CHRM5: variants seen among roughly 807,000 people sequenced by gnomAD.
The protein encoded by CHRM5 is muscarinic acetylcholine receptor M5.
CHRM5 carries 18 observed loss-of-function variants against 39.0 expected under a neutral mutation model. The ratio of observed to expected loss-of-function variants is 0.46; its 90% CI spans 0.32 to 0.68. The LOEUF is 0.68. Ranked by LOEUF, CHRM5 falls within the 30% of genes least tolerant of loss-of-function variation. The pLI is 0.04. For synonymous variants in CHRM5, 241 were observed against 246.3 expected (o/e 0.98, Z 0.20); for missense variants, 515 against 651.1 (o/e 0.79, Z 2.28).
At chr15:33,977,858 G>A (rs922392752) in intron 1 of CHRM5, among the ~76,000 whole-genome samples, 11 of 151,984 alleles carry the variant, frequency 7.2e-5, no homozygotes, top group Non-Finnish European at 1.5e-4. Flanking sequence ...GATTGCTTGA[G>A]CCCAGGAGGT....
At chr15:34,024,472 CAAAAAAAAAAA>C (rs10531898) in intron 1 of CHRM5, among the ~76,000 whole-genome samples, 15,376 of 102,240 alleles carry the variant, frequency 0.15, 1,065 homozygotes, top group East Asian at 0.39. Flanking sequence ...GACCCTGTCT[CAAAAAAAAAAA>C]AAAAAAAAAA....
chr15:34,044,453 T>C (rs557947897), intron 1 of CHRM5, among the ~76,000 whole-genome samples: 1 of 152,218 alleles, frequency 6.6e-6, no homozygotes, highest in Non-Finnish European at 1.5e-5. Flanking sequence ...TAAAGATATA[T>C]ATAATCCTTG....
intron 1 of CHRM5, among the ~76,000 whole-genome samples, chr15:34,020,294 G>A (rs3928443): frequency 0.072 from 10,736 of 148,702 alleles, 525 homozygotes; most frequent in South Asian, 0.22. Flanking sequence ...CTGGGTGACC[G>A]AGCGAGACTC....
Position 34,065,808 on chromosome 15 carries a change from A to C in CHRM5, c.*1492A>C, listed in dbSNP as rs1010035049. ...TACACAGCAAGGATTTTAAAGATGAAGCACTCCTGTCAGACATTATTTAAC... is the reference window on the plus strand; with the variant it reads ...TACACAGCAAGGATTTTAAAGATGACGCACTCCTGTCAGACATTATTTAAC... On this transcript the variant is annotated 3_prime_UTR_variant, in exon 3 of 3. Coordinates refer to ENST00000383263, the MANE Select transcript of CHRM5 (RefSeq NM_012125.4). 1 of 152,218 alleles carries C rather than the reference A, an allele frequency of 6.6e-6. No homozygotes were observed. Among genetic ancestry groups the C allele is most frequent in the Non-Finnish European group, 1.5e-5 (1 of 68,042 alleles). The allele number at this position is 152,218 out of a possible 1,614,324, so 9.4% of individuals were successfully genotyped here.
In CHRM5 at chr15:33,984,373, C is replaced by A. The variant is rs115188490; in HGVS notation, c.-408+15223C>A. On this transcript the variant is annotated intron_variant, in intron 1 of 2. Coordinates refer to ENST00000383263, the MANE Select transcript of CHRM5 (RefSeq NM_012125.4). ...ACAAGATATTCTGCAAACTCAGTCA[C>A]TTTCCTCACCTGTTAGAATAGATTG... Among the ~76,000 whole-genome samples, 1,252 of 151,396 alleles carry A rather than the reference C, an allele frequency of 8.3e-3. 31 individuals carry two copies. The highest frequency in any genetic ancestry group is 0.032 in the South Asian group (151 of 4,702).
At chr15:34,038,030 C>A (rs1899232720) in intron 1 of CHRM5, among the ~76,000 whole-genome samples, 1 of 152,200 alleles carries the variant, frequency 6.6e-6, no homozygotes, top group South Asian at 2.1e-4. Context: ...TATATATCAT[C>A]CCCTGCTCCA....
At position 34,065,178 on chromosome 15, in the gene CHRM5, T is replaced by C. The variant is rs1040114189; in HGVS notation, c.*862T>C. On this transcript the variant is annotated 3_prime_UTR_variant, in exon 3 of 3. Coordinates refer to ENST00000383263, the MANE Select transcript of CHRM5 (RefSeq NM_012125.4). ...TCTATTTTGTGCCCATTTGAACCCA[T>C]TTATTTATGCTCTGTTCTTAGGAAG... The C allele has an allele frequency of 1.3e-5, 2 of 154,324 alleles. No homozygotes were observed. The highest frequency in any genetic ancestry group is 6.5e-5 in the Admixed American group (1 of 15,284). The allele number at this position is 154,324 out of a possible 1,614,324, so 9.6% of individuals were successfully genotyped here.
chr15:34,039,000 C>T, intron 1 of CHRM5: 1 of 1,120,872 alleles, frequency 8.9e-7, no homozygotes, highest in Non-Finnish European at 1.1e-6. Flanking sequence ...CCGGCCGCGG[C>T]CTGGCCGCCG....
At chr15:34,057,281 C>A (rs1480120461) in intron 2 of CHRM5, among the ~76,000 whole-genome samples, 3 of 148,784 alleles carry the variant, frequency 2.0e-5, no homozygotes, top group Non-Finnish European at 4.4e-5. Context: ...AGAATATAGG[C>A]ACATGCCACC....
intron 1 of CHRM5, chr15:34,038,798 GC>G (rs1246205308): frequency 5.0e-6 from 6 of 1,191,108 alleles, no homozygotes; most frequent in Admixed American, 4.1e-5. Context: ...TGGCCCCTGC[GC>G]CCCAGCCTCC....
intron 1 of CHRM5, among the ~76,000 whole-genome samples, chr15:34,022,166 A>G (rs527448553): frequency 6.6e-6 from 1 of 152,324 alleles, no homozygotes; most frequent in African/African-American, 2.4e-5. Context: ...ACTGCTTTCT[A>G]TTGCTCCTCA....
rs1171212826 is a variant in CHRM5 at position 33,968,729 on chromosome 15, T to C, written c.-829T>C. On this transcript the variant is annotated 5_prime_UTR_variant, in exon 1 of 3. Coordinates refer to ENST00000383263, the MANE Select transcript of CHRM5 (RefSeq NM_012125.4). ...ATCCATGCTTCTAGTCCAGATAATG[T>C]TTTTTAAAGCAGCTTGATTTGGAAG... 1 of 152,120 alleles carries C rather than the reference T, an allele frequency of 6.6e-6. No individual in the cohort carries two copies. Among genetic ancestry groups the C allele is most frequent in the East Asian group, 1.9e-4 (1 of 5,202 alleles). The allele number at this position is 152,120 out of a possible 1,614,324, so 9.4% of individuals were successfully genotyped here. A position where few individuals can be genotyped will look rare whatever the true frequency, so the allele number is the denominator to read the frequency against.
chr15:33,999,117 A>G (rs1897046838), intron 1 of CHRM5, among the ~76,000 whole-genome samples: 2 of 152,182 alleles, frequency 1.3e-5, no homozygotes, highest in African/African-American at 4.8e-5. Flanking sequence ...TATGGATTAC[A>G]ACTTCCCTTG....
intron 1 of CHRM5, chr15:33,991,292 TGCAAAACAAGAATGAA>T (rs1896712366): frequency 1.3e-5 from 2 of 152,250 alleles, no homozygotes; most frequent in African/African-American, 4.8e-5. Context: ...AGGATTATTT[TGCAAAACAAGAATGAA>T]GCAAAACAAA....
intron 2 of CHRM5, among the ~76,000 whole-genome samples, chr15:34,055,362 G>C (rs985574671): frequency 6.6e-6 from 1 of 151,910 alleles, no homozygotes; most frequent in African/African-American, 2.4e-5. Context: ...ATAATTATCT[G>C]TGTGTGGTGG....
At chr15:33,982,435 G>A (rs1168218190) in intron 1 of CHRM5, among the ~76,000 whole-genome samples, 2 of 152,056 alleles carry the variant, frequency 1.3e-5, no homozygotes, top group African/African-American at 4.8e-5. Flanking sequence ...AAAATAAATG[G>A]AAGTATTTCT....
chr15:34,037,124 A>AT (rs1567481887), intron 1 of CHRM5, among the ~76,000 whole-genome samples: 2 of 150,600 alleles, frequency 1.3e-5, no homozygotes, highest in African/African-American at 4.9e-5. Flanking sequence ...AAAAAAAAAA[A>AT]ATATATACCA....
At chr15:34,036,412 A>G (rs1899127247) in intron 1 of CHRM5, among the ~76,000 whole-genome samples, 2 of 152,184 alleles carry the variant, frequency 1.3e-5, no homozygotes. Context: ...TGGTCTTTAC[A>G]TGGCTAGGAG....
intron 2 of CHRM5, among the ~76,000 whole-genome samples, chr15:34,060,972 C>G (rs1028408719): frequency 6.6e-6 from 1 of 150,748 alleles, no homozygotes; most frequent in Non-Finnish European, 1.5e-5. Flanking sequence ...GCCGAGATAG[C>G]GCCACTGTAC....
Sources: allele counts gnomAD v4.1 joint callset (sites outside exome capture counted in the v4.1 genomes callset), GRCh38; gene constraint gnomAD v4.1.1; transcripts MANE v1.5; gene names NCBI Gene and HGNC (gene_info 2026-07-23, HGNC 2026-07-21).